PLCB4: variants seen among roughly 807,000 people sequenced by gnomAD.
The protein encoded by PLCB4 is phospholipase C beta 4.
A neutral mutation model predicts 178.8 loss-of-function variants in PLCB4; 77 were observed. The ratio of observed to expected loss-of-function variants is 0.43; its 90% CI spans 0.36 to 0.52. PLCB4 has a LOEUF of 0.52. PLCB4 is among the 20% of genes least tolerant of loss of function. The pLI is 0.00. For synonymous variants in PLCB4, 496 were observed against 490.8 expected (o/e 1.01, Z -0.14); for missense variants, 1,024 against 1,453.4 (o/e 0.70, Z 4.80).
At position 9,351,223 on chromosome 20, in the gene PLCB4, A is replaced by G. The variant is rs151246890; in HGVS notation, c.370-11673A>G. Among the ~76,000 whole-genome samples the G allele has an allele frequency of 2.1e-3, 313 of 151,920 alleles. 3 individuals are homozygous for G. Among genetic ancestry groups the G allele is most frequent in the African/African-American group, 7.2e-3 (300 of 41,410 alleles). On this transcript the variant is annotated intron_variant, in intron 7 of 39. Transcript: ENST00000378473. ...TCTTTTTTTTTAAGTTTTAGGGTAC[A>G]TATGCACAACGTGCAGGTTAGTTAC... is the stretch of plus-strand genomic sequence containing the variant.
At chr20:9,399,770 T>C (rs1211119455) in intron 19 of PLCB4, among the ~76,000 whole-genome samples, 1 of 152,230 alleles carries the variant, frequency 6.6e-6, no homozygotes, top group African/African-American at 2.4e-5. Context: ...GTGGTTTACA[T>C]CTGTATTGGC....
At position 9,286,290 on chromosome 20, in the gene PLCB4, G is replaced by T. The variant is rs142476382; in HGVS notation, c.-15-21510G>T. On this transcript the variant is annotated intron_variant, in intron 3 of 39. Transcript: ENST00000378473. ...GCTAAAATATAATGAACACATTTGGGATATATCTCCACCCATAAACCTTCA... is the reference window on the plus strand; with the variant it reads ...GCTAAAATATAATGAACACATTTGGTATATATCTCCACCCATAAACCTTCA... Among the ~76,000 whole-genome samples the T allele has an allele frequency of 2.0e-5, 3 of 152,106 alleles. No homozygotes were observed. The East Asian group carries it at 5.8e-4, about 30-fold the overall frequency.
chr20:9,347,609 A>G (rs955643521), intron 7 of PLCB4, among the ~76,000 whole-genome samples: 2 of 152,200 alleles, frequency 1.3e-5, no homozygotes, highest in Admixed American at 1.3e-4. Context: ...AATTATATTA[A>G]TCTTTTTAAT....
At chr20:9,321,445 C>A (rs2094957253) in intron 4 of PLCB4, among the ~76,000 whole-genome samples, 1 of 152,028 alleles carries the variant, frequency 6.6e-6, no homozygotes, top group South Asian at 2.1e-4. Context: ...AGGCTGGAAC[C>A]AAAGACCTGT....
intron 28 of PLCB4, among the ~76,000 whole-genome samples, chr20:9,433,152 T>A (rs572074533): frequency 6.6e-6 from 1 of 152,090 alleles, no homozygotes; most frequent in African/African-American, 2.4e-5. Flanking sequence ...AGAGATGGAG[T>A]TGCCACCTCC....
intron 3 of PLCB4, among the ~76,000 whole-genome samples, chr20:9,292,476 G>C (rs992323169): frequency 6.6e-6 from 1 of 152,120 alleles, no homozygotes; most frequent in Non-Finnish European, 1.5e-5. Flanking sequence ...ACATGTCCAG[G>C]ATCAAGCCCC....
chr20:9,312,059 C>T (rs2094840832), intron 4 of PLCB4, among the ~76,000 whole-genome samples: 1 of 152,056 alleles, frequency 6.6e-6, no homozygotes, highest in Non-Finnish European at 1.5e-5. Context: ...TTTAAAATTC[C>T]ATTCTCCCTT....
At chr20:9,225,227 T>C (rs2093848735) in intron 3 of PLCB4, among the ~76,000 whole-genome samples, 1 of 152,178 alleles carries the variant, frequency 6.6e-6, no homozygotes, top group Non-Finnish European at 1.5e-5. Flanking sequence ...ATATACATAA[T>C]ATTAATTTTT....
intron 3 of PLCB4, among the ~76,000 whole-genome samples, chr20:9,306,855 A>G (rs1169668885): frequency 1.3e-5 from 2 of 152,164 alleles, no homozygotes; most frequent in African/African-American, 4.8e-5. Flanking sequence ...CCTCTCTTTA[A>G]ATGTCCTACT....
At chr20:9,404,536 C>T (rs1393394828) in intron 20 of PLCB4, among the ~76,000 whole-genome samples, 3 of 145,762 alleles carry the variant, frequency 2.1e-5, no homozygotes, top group South Asian at 2.2e-4. Context: ...ACCCAAAAGG[C>T]GGAGGTTGCA....
chr20:9,438,674 A>T (rs1404119583), intron 30 of PLCB4, among the ~76,000 whole-genome samples: 1 of 151,868 alleles, frequency 6.6e-6, no homozygotes, highest in Non-Finnish European at 1.5e-5. Context: ...TAGAAGGCAG[A>T]ATGAATGGGG....
At chr20:9,445,930 T>C (rs960380835) in intron 32 of PLCB4, among the ~76,000 whole-genome samples, 2 of 152,224 alleles carry the variant, frequency 1.3e-5, no homozygotes, top group Middle Eastern at 3.2e-3. Context: ...GGATCTCTTT[T>C]ATTGAGCAGA....
chr20:9,175,299 C>G (rs2147061883), intron 2 of PLCB4, among the ~76,000 whole-genome samples: 1 of 152,142 alleles, frequency 6.6e-6, no homozygotes, highest in South Asian at 2.1e-4. Context: ...AAGGGTGAAC[C>G]CTTCTAGGTC....
intron 2 of PLCB4, among the ~76,000 whole-genome samples, chr20:9,197,997 A>T (rs951734491): frequency 6.8e-6 from 1 of 146,728 alleles, no homozygotes; most frequent in African/African-American, 2.5e-5. Flanking sequence ...AATAAAAAAT[A>T]AAAAAAAAAA....
At chr20:9,090,032 A>G (rs1348870319) in intron 1 of PLCB4, among the ~76,000 whole-genome samples, 2 of 152,154 alleles carry the variant, frequency 1.3e-5, no homozygotes, top group Non-Finnish European at 2.9e-5. Flanking sequence ...TTTTCAAAGA[A>G]GTTGTACGCA....
At chr20:9,443,590 T>G (rs1302185208) in intron 30 of PLCB4, among the ~76,000 whole-genome samples, 1 of 152,122 alleles carries the variant, frequency 6.6e-6, no homozygotes, top group Non-Finnish European at 1.5e-5. Context: ...GTGGAATGAC[T>G]CTTGGGTGCC....
intron 4 of PLCB4, among the ~76,000 whole-genome samples, chr20:9,322,810 C>T (rs1351156180): frequency 2.0e-5 from 3 of 152,192 alleles, no homozygotes; most frequent in South Asian, 2.1e-4. Flanking sequence ...GCTTGAAATA[C>T]ACATAGTTGG....
chr20:9,474,880 G>A lies in PLCB4; in HGVS notation c.3495+1515G>A, dbSNP rs540737629. Reference sequence around the variant, plus strand: ...GTCCACTCCAAGGGGACAATACATGGTTATTGTCCCACAGGTACAATTCAT... The same window carrying A: ...GTCCACTCCAAGGGGACAATACATGATTATTGTCCCACAGGTACAATTCAT... On this transcript the variant is annotated intron_variant, in intron 38 of 39. Coordinates refer to ENST00000378473, the MANE Select transcript of PLCB4 (RefSeq NM_001377142.1). Among the ~76,000 whole-genome samples, 38 of 152,186 alleles carry A rather than the reference G, an allele frequency of 2.5e-4. No individual in the cohort carries two copies. The South Asian group carries it at 7.9e-3, about 32-fold the overall frequency.
intron 2 of PLCB4, among the ~76,000 whole-genome samples, chr20:9,098,571 TG>T (rs2091007965): frequency 1.3e-5 from 2 of 151,302 alleles, no homozygotes; most frequent in Non-Finnish European, 1.5e-5. Flanking sequence ...GTAAAAGTCC[TG>T]GAGTATGTGG....
Sources: allele counts gnomAD v4.1 joint callset (sites outside exome capture counted in the v4.1 genomes callset), GRCh38; gene constraint gnomAD v4.1.1; transcripts MANE v1.5; gene names NCBI Gene and HGNC (gene_info 2026-07-23, HGNC 2026-07-21).